MAPK15: variants seen among roughly 807,000 people sequenced by gnomAD.
MAPK15 encodes the protein ERK-7.
Under a neutral mutation model 60.8 loss-of-function variants are expected in MAPK15, and 61 were observed. That is an observed-to-expected ratio of 1.00 (90% CI 0.82 to 1.24). The LOEUF is 1.24. Ranked by LOEUF, MAPK15 falls within the 50% of genes most tolerant of loss-of-function variation. MAPK15 has a pLI of 0.00. For missense variants in MAPK15, 808 were observed against 741.1 expected, an observed-to-expected ratio of 1.09 and a Z score of -1.05; for synonymous variants, 356 against 319.9, an observed-to-expected ratio of 1.11 and a Z score of -1.21.
At chr8:143,719,554 G>C (rs1342962887) in intron 7 of MAPK15, 72 bp downstream of exon 7, 12 of 1,550,704 alleles carry the variant, frequency 7.7e-6, no homozygotes, top group South Asian at 2.4e-5. Context: ...GGAGACAGCA[G>C]CTGACAGGCT....
Position 143,720,677 on chromosome 8 carries a change from T to C in MAPK15, c.780-26T>C, listed in dbSNP as rs782234423. On this transcript the variant is annotated intron_variant, in intron 8 of 13. Transcript: ENST00000338033. This position sits in a 1 kb window ranked among gnomAD's most constrained non-coding sequence, Gnocchi z 4.6. Reference sequence around the variant, plus strand: ...GAGGAGGGGCCCTTGGGTCGGGCCCTGGAGACGACACACGGCAGCCCACAG... The same window carrying C: ...GAGGAGGGGCCCTTGGGTCGGGCCCCGGAGACGACACACGGCAGCCCACAG... 2 of 1,600,864 alleles carry C rather than the reference T, an allele frequency of 1.2e-6. No individual in the cohort carries two copies. Among genetic ancestry groups the C allele is most frequent in the East Asian group, 4.5e-5 (2 of 44,362 alleles).
chr8:143,716,558 T>C, intron 1 of MAPK15, 115 bp downstream of exon 1: 2 of 889,336 alleles, frequency 2.2e-6, no homozygotes, highest in Non-Finnish European at 3.3e-6. Context: ...ACTGGCGTCC[T>C]GCCTCCTCCG....
chr8:143,718,461 T>G, intron 4 of MAPK15, 159 bp downstream of exon 4: 1 of 726,360 alleles, frequency 1.4e-6, no homozygotes, highest in South Asian at 1.7e-5. Context: ...GACAGCTGAC[T>G]AGTGTCAGCC....
chr8:143,716,759 C>G (rs1342839488), intron 1 of MAPK15, among the ~76,000 whole-genome samples: 1 of 152,246 alleles, frequency 6.6e-6, no homozygotes, highest in African/African-American at 2.4e-5. Flanking sequence ...GCACACGACG[C>G]TCTGGGGAGG....
rs1554619580 is a variant in MAPK15, at chr8:143,720,875, G to C, written c.917+35G>C. ...GGAGAGAGTCCCCCAAGTGCGGGGGGACAGAGGTGGGGGCAGGAGAGAGCC... is the reference window on the plus strand; with the variant it reads ...GGAGAGAGTCCCCCAAGTGCGGGGGCACAGAGGTGGGGGCAGGAGAGAGCC... On this transcript the variant is annotated intron_variant, in intron 9 of 13. Transcript: ENST00000338033. This position sits in a 1 kb window ranked among gnomAD's most constrained non-coding sequence, Gnocchi z 4.6. 6.2e-7 allele frequency: 1 copy of C among 1,603,582 alleles called. No individual in the cohort carries two copies. Among genetic ancestry groups the C allele is most frequent in the Non-Finnish European group, 8.5e-7 (1 of 1,176,250 alleles).
chr8:143,719,363 T>C lies in MAPK15; in HGVS notation c.602T>C (p.Met201Thr), dbSNP rs1817953744. ...SSHRYTLGVDMWSLGCILGEM... is the reference protein window; with the variant it reads ...SSHRYTLGVDTWSLGCILGEM... ...CCCAGATACACCCTTGGGGTGGACATGTGGAGTCTGGGCTGTATCCTGGGG... is the reference window on the plus strand; with the variant it reads ...CCCAGATACACCCTTGGGGTGGACACGTGGAGTCTGGGCTGTATCCTGGGG... Residue 201 changes from methionine to threonine, a missense_variant, in exon 7 of 14, where the codon ATG (methionine) becomes ACG (threonine). Transcript: ENST00000338033. 5 of 1,609,106 alleles carry C rather than the reference T, an allele frequency of 3.1e-6. No individual in the cohort carries two copies. The highest frequency in any genetic ancestry group is 3.3e-4 in the Middle Eastern group (2 of 6,014).
At chr8:143,718,727 G>GGGGGGCCCCCCCCCCCCCCC in intron 4 of MAPK15, 48 bp from the exon 5 acceptor site, 1 of 514,514 alleles carries the variant, frequency 1.9e-6, no homozygotes, top group Non-Finnish European at 3.2e-6. Context: ...CCCCCAGGTT[G>GGGGGGCCCCCCCCCCCCCCC]CCCCCCCAGC....
intron 1 of MAPK15, among the ~76,000 whole-genome samples, chr8:143,716,648 G>A (rs1817822417): frequency 6.6e-6 from 1 of 152,186 alleles, no homozygotes; most frequent in African/African-American, 2.4e-5. Context: ...CCAGGAACCT[G>A]GCTCCTGGAG....
In MAPK15 at chr8:143,721,092, G is replaced by A; in HGVS notation, c.1010G>A (p.Ser337Asn). 2 of 1,611,120 alleles carry A rather than the reference G, an allele frequency of 1.2e-6. No individual in the cohort carries two copies. Among genetic ancestry groups the A allele is most frequent in the Non-Finnish European group, 1.7e-6 (2 of 1,178,936 alleles). ...GVQLSVPEYR[S>N]RVYQMILECG... ...CAGCTCTCTGTGCCTGAGTACCGCA[G>A]CCGCGTCTATCAGGTGCTCCGGCTC... The change falls in exon 10 of 14, where the codon AGC (serine) becomes AAC (asparagine). Residue 337 changes from serine to asparagine, a missense_variant. Ser to Asn is a conservative substitution (Grantham distance 46). Transcript: ENST00000338033.
chr8:143,722,226 C>T lies in MAPK15; in HGVS notation c.1610C>T (p.Pro537Leu), dbSNP rs1818112830. The T allele has an allele frequency of 1.3e-6, 2 of 1,595,546 alleles. No homozygotes were observed. The highest frequency in any genetic ancestry group is 1.7e-6 in the Non-Finnish European group (2 of 1,170,344). Residue 537 changes from proline to leucine, a missense_variant, in exon 14 of 14, where the codon CCC becomes CTC. By Grantham distance (98) the Pro-to-Leu change is moderately conservative. Transcript: ENST00000338033. ...TVCHSALGHL[P>L]LLEGHHV ...TGCCACTCGGCACTGGGCCACCTGC[C>T]CCTGCTGGAGGGGCACCATGTGTGA...
intron 7 of MAPK15, 139 bp downstream of exon 7, chr8:143,719,621 G>A (rs1817969258): frequency 1.4e-5 from 17 of 1,236,146 alleles, no homozygotes; most frequent in Non-Finnish European, 1.8e-5. Context: ...TGGGGCAGGA[G>A]CCCCAGGAAG....
At position 143,720,398 on chromosome 8, in the gene MAPK15, T is replaced by C. The variant is rs1818000277; in HGVS notation, c.779+111T>C. ...TTTGTACCAGTTCAGATTCTGCCTG[T>C]TTTCAAGATGGCAGTCCCAAACCCA... On this transcript the variant is annotated intron_variant, in intron 8 of 13. Transcript: ENST00000338033. This position sits in a 1 kb window ranked among gnomAD's most constrained non-coding sequence, Gnocchi z 4.6. 6.9e-7 allele frequency: 1 copy of C among 1,450,538 alleles called. No homozygotes were observed. Among genetic ancestry groups the C allele is most frequent in the Admixed American group, 2.8e-5 (1 of 36,026 alleles). The allele number at this position is 1,450,538 out of a possible 1,614,324, so 89.9% of individuals were successfully genotyped here.
In MAPK15 at chr8:143,720,060, C is replaced by A. The variant is rs1817985899; in HGVS notation, c.722-170C>A. ...GGTCATGTGCGGGTGCTCCCGTGCA[C>A]AGGCTGGGTGGCACGCCCTGGTGAT... On this transcript the variant is annotated intron_variant, in intron 7 of 13. Transcript: ENST00000338033. This position sits in a 1 kb window ranked among gnomAD's most constrained non-coding sequence, Gnocchi z 4.6. 2.1e-6 allele frequency: 2 copies of A among 949,848 alleles called. No homozygotes were observed. Among genetic ancestry groups the A allele is most frequent in the Non-Finnish European group, 3.1e-6 (2 of 641,644 alleles). 58.8% of individuals were successfully genotyped at this position (949,848 alleles called of 1,614,324 possible).
At chr8:143,718,678 C>T (rs1817907030) in intron 4 of MAPK15, 97 bp from the exon 5 acceptor site, 1 of 1,191,366 alleles carries the variant, frequency 8.4e-7, no homozygotes, top group Non-Finnish European at 1.2e-6. Flanking sequence ...TGGGCTGGTT[C>T]AAAGTGGGAC....
At position 143,718,827 on chromosome 8, in the gene MAPK15, C is replaced by G; in HGVS notation, c.339C>G (p.His113Gln). 6.2e-7 allele frequency: 1 copy of G among 1,612,196 alleles called. No individual in the cohort carries two copies. The highest frequency in any genetic ancestry group is 8.5e-7 in the Non-Finnish European group (1 of 1,179,718). ...AGGGCGGCCTGCTGCAGGACGTCCA[C>G]GTGCGCTCCATCTTCTACCAGCTCC... Reference protein sequence around the residue: ...IRKGGLLQDVHVRSIFYQLLR... With the variant: ...IRKGGLLQDVQVRSIFYQLLR... Residue 113 changes from histidine to glutamine, a missense_variant, in exon 5 of 14, where the codon CAC (histidine) becomes CAG (glutamine). Coordinates refer to ENST00000338033, the MANE Select transcript of MAPK15 (RefSeq NM_139021.3).
At position 143,720,304 on chromosome 8, in the gene MAPK15, C is replaced by T. The variant is rs782045944; in HGVS notation, c.779+17C>T. ...GGGGTCCCGGTGAGTGGGGGCACTT[C>T]GGTGAGGGTGACAGGGTGGCCTATC... On this transcript the variant is annotated intron_variant, in intron 8 of 13. Transcript: ENST00000338033. This position sits in a 1 kb window ranked among gnomAD's most constrained non-coding sequence, Gnocchi z 4.6. 5 of 1,573,994 alleles carry T rather than the reference C, an allele frequency of 3.2e-6. No individual in the cohort carries two copies. The highest frequency in any genetic ancestry group is 1.8e-5 in the Admixed American group (1 of 55,066).
chr8:143,721,900 C>A lies in MAPK15; in HGVS notation c.1458+20C>A. 1 of 1,548,348 alleles carries A rather than the reference C, an allele frequency of 6.5e-7. No homozygotes were observed. ...CAACAGGTAAGCCCGGCCCAGTCTG[C>A]CCCCGTCCCCTCATCCTCCTTTCCC... On this transcript the variant is annotated intron_variant, in intron 13 of 13. Transcript: ENST00000338033.
At position 143,718,992 on chromosome 8, in the gene MAPK15, G is replaced by A; in HGVS notation, c.418-1G>A. The A allele has an allele frequency of 1.2e-6, 2 of 1,606,448 alleles. No individual in the cohort carries two copies. Among genetic ancestry groups the A allele is most frequent in the Non-Finnish European group, 1.7e-6 (2 of 1,176,762 alleles). ...GGCCTCAGCCTGCCTCCTCTCTGCA[G>A]CCGTCCAATGTGCTCCTGGATGCCA... On this transcript the variant is annotated splice_acceptor_variant, in intron 5 of 13. Coordinates refer to ENST00000338033, the MANE Select transcript of MAPK15 (RefSeq NM_139021.3). LOFTEE classifies it high-confidence loss of function.
Position 143,722,284 on chromosome 8 carries a change from C to T in MAPK15, c.*33C>T, listed in dbSNP as rs1554620253. The T allele has an allele frequency of 4.0e-6, 6 of 1,512,706 alleles. No individual in the cohort carries two copies. Among genetic ancestry groups the T allele is most frequent in the Non-Finnish European group, 5.3e-6 (6 of 1,129,246 alleles). The allele number at this position is 1,512,706 out of a possible 1,614,324, so 93.7% of individuals were successfully genotyped here. A position where few individuals can be genotyped will look rare whatever the true frequency, so the allele number is the denominator to read the frequency against. ...TACTCCCTTCACCTGGCCCTCTGTTCCTGCCCCAGCCCCTTCCCCAGACCC... is the reference window on the plus strand; with the variant it reads ...TACTCCCTTCACCTGGCCCTCTGTTTCTGCCCCAGCCCCTTCCCCAGACCC... On this transcript the variant is annotated 3_prime_UTR_variant, in exon 14 of 14. Coordinates refer to ENST00000338033, the MANE Select transcript of MAPK15 (RefSeq NM_139021.3).
Sources: allele counts gnomAD v4.1 joint callset (sites outside exome capture counted in the v4.1 genomes callset), GRCh38; gene constraint gnomAD v4.1.1; non-coding constraint Gnocchi (gnomAD v3.1); transcripts MANE v1.5; gene names NCBI Gene and HGNC (gene_info 2026-07-23, HGNC 2026-07-21).